The following ARHGAP15 variants were observed in gnomAD, a reference collection of about 807,000 sequenced individuals.
ARHGAP15 encodes the protein Rho GTPase activating protein 15.
In ARHGAP15, 51 loss-of-function variants were observed where a neutral mutation model predicts 63.7. That is an observed-to-expected ratio of 0.80 (90% CI 0.64 to 1.01). ARHGAP15 has a LOEUF of 1.01. ARHGAP15 is among the 50% of genes least tolerant of loss of function. The pLI, the probability that ARHGAP15 is intolerant of heterozygous loss-of-function variation, is 0.00. For missense variants in ARHGAP15, 560 were observed against 564.6 expected (o/e 0.99, Z 0.08); for synonymous variants, 191 against 193.8 (o/e 0.99, Z 0.12).
At chr2:143,605,858 CA>C (rs373847590) in intron 11 of ARHGAP15, among the ~76,000 whole-genome samples, 114 of 85,288 alleles carry the variant, frequency 1.3e-3, no homozygotes, top group Admixed American at 3.6e-3. Flanking sequence ...TACTAAAATA[CA>C]AAAAAAAAAA....
intron 12 of ARHGAP15, among the ~76,000 whole-genome samples, chr2:143,638,671 A>C (rs2105267655): frequency 8.1e-6 from 1 of 123,742 alleles, no homozygotes; most frequent in South Asian, 2.7e-4. Context: ...TAAATAAATA[A>C]AAGAAAAAAA....
At chr2:143,264,236 T>C (rs1197099941) in intron 6 of ARHGAP15, among the ~76,000 whole-genome samples, 2 of 152,036 alleles carry the variant, frequency 1.3e-5, no homozygotes, top group Non-Finnish European at 2.9e-5. Flanking sequence ...CATGAGAAGC[T>C]GAAGCCATAG....
chr2:143,696,119 T>G (rs1028278628), intron 12 of ARHGAP15, among the ~76,000 whole-genome samples: 3 of 152,158 alleles, frequency 2.0e-5, no homozygotes, highest in African/African-American at 7.2e-5. Context: ...TATTTTGGAA[T>G]GAGTAACATC....
chr2:143,499,208 GACTA>G (rs762064859), intron 9 of ARHGAP15, among the ~76,000 whole-genome samples: 3 of 152,126 alleles, frequency 2.0e-5, no homozygotes, highest in African/African-American at 4.8e-5. Context: ...CTGGAGTATT[GACTA>G]ACTGTCTGTG....
intron 12 of ARHGAP15, among the ~76,000 whole-genome samples, chr2:143,630,005 C>T (rs966055901): frequency 6.6e-6 from 1 of 152,014 alleles, no homozygotes. Context: ...ATAGCTATTG[C>T]CAAGTATCTG....
intron 10 of ARHGAP15, among the ~76,000 whole-genome samples, chr2:143,530,220 AG>A (rs1694461593): frequency 6.6e-6 from 1 of 152,122 alleles, no homozygotes; most frequent in Non-Finnish European, 1.5e-5. Context: ...AGTGAAAGTA[AG>A]GGTTTTGTTT....
At chr2:143,604,727 A>G (rs573895911) in intron 11 of ARHGAP15, among the ~76,000 whole-genome samples, 1 of 152,284 alleles carries the variant, frequency 6.6e-6, no homozygotes, top group African/African-American at 2.4e-5. Flanking sequence ...TTGCAACTAA[A>G]TAGTGGCACT....
At chr2:143,419,048 G>A (rs34940925) in intron 6 of ARHGAP15, among the ~76,000 whole-genome samples, 28,584 of 151,852 alleles carry the variant, frequency 0.19, 3,313 homozygotes, top group East Asian at 0.48. Flanking sequence ...AAATTTATGT[G>A]GTAATTGTCA....
chr2:143,617,683 A>G (rs1314268161), intron 11 of ARHGAP15, among the ~76,000 whole-genome samples: 3 of 152,236 alleles, frequency 2.0e-5, no homozygotes, highest in African/African-American at 7.2e-5. Flanking sequence ...GAAGAACACA[A>G]TTCAGCACAT....
At chr2:143,668,828 A>G (rs116222579) in intron 12 of ARHGAP15, among the ~76,000 whole-genome samples, 2,962 of 152,352 alleles carry the variant, frequency 0.019, 54 homozygotes, top group Non-Finnish European at 0.026. Context: ...CATAAAATCA[A>G]GGATCTAGGC....
chr2:143,360,730 T>A (rs1474154431), intron 6 of ARHGAP15, among the ~76,000 whole-genome samples: 1 of 152,180 alleles, frequency 6.6e-6, no homozygotes, highest in Non-Finnish European at 1.5e-5. Context: ...CAAAACAGTC[T>A]GTGACTATGT....
intron 6 of ARHGAP15, among the ~76,000 whole-genome samples, chr2:143,335,236 A>T (rs1002184418): frequency 6.6e-6 from 1 of 152,170 alleles, no homozygotes; most frequent in Admixed American, 6.5e-5. Context: ...AGCCAGCACC[A>T]ACTCTGATTA....
intron 6 of ARHGAP15, among the ~76,000 whole-genome samples, chr2:143,258,738 A>G (rs577679556): frequency 7.0e-4 from 106 of 152,252 alleles, no homozygotes; most frequent in African/African-American, 2.5e-3. Flanking sequence ...ACTGATGGGT[A>G]TGAGATGGCT....
intron 8 of ARHGAP15, among the ~76,000 whole-genome samples, chr2:143,453,691 G>A (rs2105139702): frequency 6.6e-6 from 1 of 151,706 alleles, no homozygotes; most frequent in African/African-American, 2.4e-5. Flanking sequence ...CCTGAACCAT[G>A]AGTCTGTTTT....
At chr2:143,183,209 T>C (rs945949843) in intron 2 of ARHGAP15, among the ~76,000 whole-genome samples, 1 of 152,230 alleles carries the variant, frequency 6.6e-6, no homozygotes, top group Non-Finnish European at 1.5e-5. Context: ...ACTGGTTCTG[T>C]AGCTAAACTA....
At chr2:143,673,722 TTGTGTGTGTGTGTGTGTG>T (rs70982878) in intron 12 of ARHGAP15, among the ~76,000 whole-genome samples, 5 of 54,638 alleles carry the variant, frequency 9.2e-5, no homozygotes, top group African/African-American at 2.4e-4. Flanking sequence ...AGGCCTTATA[TTGTGTGTGTGTGTGTGTG>T]TGTGTGTGTG....
At chr2:143,168,939 C>CA (rs1321216159) in intron 2 of ARHGAP15, among the ~76,000 whole-genome samples, 2 of 151,938 alleles carry the variant, frequency 1.3e-5, no homozygotes, top group Non-Finnish European at 2.9e-5. Context: ...TCTTCATAGC[C>CA]AAAATGTCTT....
intron 12 of ARHGAP15, among the ~76,000 whole-genome samples, chr2:143,643,427 A>ACCCCCCC (rs10540732): frequency 1.1e-4 from 14 of 128,342 alleles, no homozygotes; most frequent in Non-Finnish European, 1.6e-4. Flanking sequence ...CCCTCCACCC[A>ACCCCCCC]CCCCCCCCCA....
chr2:143,328,282 C>T (rs1163442171), intron 6 of ARHGAP15, among the ~76,000 whole-genome samples: 2 of 152,128 alleles, frequency 1.3e-5, no homozygotes, highest in South Asian at 2.1e-4. Flanking sequence ...TATAAAGACA[C>T]ATGCACATGT....
Sources: gnomAD v4.1 joint callset for allele counts (sites outside exome capture counted in the v4.1 genomes callset) on GRCh38, gnomAD v4.1.1 for gene constraint, MANE v1.5 for transcripts, NCBI Gene and HGNC (gene_info 2026-07-23, HGNC 2026-07-21) for gene names.